Variants in CAPN5 observed in about 807,000 individuals in gnomAD.
The protein encoded by CAPN5 is calpain-5.
In CAPN5, 54 loss-of-function variants were observed where a neutral mutation model predicts 73.0. The ratio of observed to expected loss-of-function variants is 0.74; its 90% CI spans 0.59 to 0.93. CAPN5 has a LOEUF of 0.93. Ranked by LOEUF, CAPN5 falls within the 40% of genes least tolerant of loss-of-function variation. The pLI is 0.00. For missense variants in CAPN5, 785 were observed against 882.9 expected (o/e 0.89, Z 1.41); for synonymous variants, 335 against 356.9 (o/e 0.94, Z 0.69).
intron 5 of CAPN5, 83 bp from the exon 6 acceptor site, chr11:77,115,312 G>A: frequency 8.7e-7 from 1 of 1,155,686 alleles, no homozygotes; most frequent in Non-Finnish European, 1.2e-6. Context: ...GTCCCGTGCA[G>A]CCTCCTAGCC....
At chr11:77,106,579 G>A (rs1458517032) in intron 3 of CAPN5, among the ~76,000 whole-genome samples, 2 of 152,226 alleles carry the variant, frequency 1.3e-5, no homozygotes, top group Non-Finnish European at 2.9e-5. Context: ...TTCCTCATCT[G>A]TGAGTTGGGG....
chr11:77,097,475 T>TA (rs1565266487), intron 3 of CAPN5, among the ~76,000 whole-genome samples: 8 of 142,676 alleles, frequency 5.6e-5, no homozygotes, highest in African/African-American at 2.1e-4. Context: ...TTTTTTTTTT[T>TA]TTTTTTTTTT....
Position 77,114,403 on chromosome 11 carries a change from G to C in CAPN5, c.668G>C (p.Ser223Thr). 6.2e-7 allele frequency: 1 copy of C among 1,614,226 alleles called. No individual in the cohort carries two copies. Among genetic ancestry groups the C allele is most frequent in the Non-Finnish European group, 8.5e-7 (1 of 1,180,042 alleles). ...TTTGAGCGCATGTTAAAGGTGCACA[G>C]CCGGGGCGGCCTCATCAGTGCCTCC... ...QLFERMLKVH[S>T]RGGLISASIK... The change falls in exon 5 of 13, where the codon AGC (serine) becomes ACC (threonine). Residue 223 changes from serine (S) to threonine (T), a missense_variant. By Grantham distance (58) the Ser-to-Thr change is moderately conservative (BLOSUM62 1). Transcript: ENST00000648180.
At chr11:77,095,469 G>A (rs995516550) in intron 3 of CAPN5, among the ~76,000 whole-genome samples, 7 of 152,216 alleles carry the variant, frequency 4.6e-5, no homozygotes, top group African/African-American at 1.7e-4. Context: ...GCTCCCCACA[G>A]GCAGAACTGG....
chr11:77,112,469 A>C (rs1950420859), intron 3 of CAPN5, 120 bp from the exon 4 acceptor site: 5 of 758,434 alleles, frequency 6.6e-6, no homozygotes, highest in Non-Finnish European at 1.1e-5. Context: ...GCAGAGTTGG[A>C]ATCCGAACCC....
intron 3 of CAPN5, among the ~76,000 whole-genome samples, chr11:77,101,487 G>C (rs1394604087): frequency 6.6e-6 from 1 of 152,154 alleles, no homozygotes. Context: ...ATACCCTTGG[G>C]GGAATTTCTG....
intron 1 of CAPN5, among the ~76,000 whole-genome samples, chr11:77,073,461 G>C (rs1370386125): frequency 1.3e-5 from 2 of 152,204 alleles, no homozygotes; most frequent in East Asian, 3.9e-4. Flanking sequence ...CCAATTGCCA[G>C]ATGAAGAACA....
At chr11:77,117,024 G>C (rs1950474906) in intron 7 of CAPN5, among the ~76,000 whole-genome samples, 1 of 152,110 alleles carries the variant, frequency 6.6e-6, no homozygotes, top group Non-Finnish European at 1.5e-5. Context: ...GATTGCTTGA[G>C]TCCAGGAGTT....
chr11:77,093,594 GTCACGTCTGT>G (rs1477338762), intron 2 of CAPN5, 78 bp from the exon 3 acceptor site: 296 of 756,260 alleles, frequency 3.9e-4, no homozygotes, highest in Non-Finnish European at 5.0e-4. Flanking sequence ...GTCTGTGTCT[GTCACGTCTGT>G]GTCTGTCATG....
At chr11:77,112,852 A>G in intron 4 of CAPN5, 55 bp downstream of exon 4, 4 of 1,513,270 alleles carry the variant, frequency 2.6e-6, no homozygotes, top group Non-Finnish European at 3.7e-6. Flanking sequence ...GTGGCACCGG[A>G]TGGGCTCCTC....
intron 1 of CAPN5, among the ~76,000 whole-genome samples, chr11:77,080,007 T>C (rs532566341): frequency 6.6e-6 from 1 of 152,328 alleles, no homozygotes; most frequent in African/African-American, 2.4e-5. Context: ...AGATTTGAAA[T>C]CTATCTGGAA....
intron 2 of CAPN5, chr11:77,087,981 G>A: frequency 2.0e-6 from 3 of 1,535,740 alleles, no homozygotes; most frequent in Non-Finnish European, 2.6e-6. Flanking sequence ...GCCTGGCTGG[G>A]GAGATGCACG....
intron 1 of CAPN5, among the ~76,000 whole-genome samples, chr11:77,077,262 CAGG>C (rs1308148093): frequency 6.6e-6 from 1 of 151,964 alleles, no homozygotes; most frequent in African/African-American, 2.4e-5. Context: ...GATGCTGAGG[CAGG>C]AGAATGGCTT....
chr11:77,096,909 G>A (rs1950214518), intron 3 of CAPN5, among the ~76,000 whole-genome samples: 1 of 152,156 alleles, frequency 6.6e-6, no homozygotes, highest in Non-Finnish European at 1.5e-5. Context: ...GCCTGGGAGG[G>A]GCCAGTGGAG....
chr11:77,095,398 C>T (rs1051670817), intron 3 of CAPN5, among the ~76,000 whole-genome samples: 1 of 151,298 alleles, frequency 6.6e-6, no homozygotes, highest in Non-Finnish European at 1.5e-5. Context: ...GTAGGGCTGC[C>T]CCCCACCTCC....
intron 1 of CAPN5, among the ~76,000 whole-genome samples, chr11:77,075,412 G>T (rs1157817254): frequency 6.6e-6 from 1 of 152,200 alleles, no homozygotes; most frequent in East Asian, 1.9e-4. Context: ...TGTCAAGTCC[G>T]CAAGCGTCCT....
chr11:77,121,955 C>A lies in CAPN5; in HGVS notation c.1509C>A (p.Pro503=). ...TCAGGGAGCTGCGCCTGGATGAGCC[C>A]CCACACACCTGCTGGAGCTCCCTCT... ...SNCRELRLDE[P]PHTCWSSLCG... is the part of the protein sequence containing the mutation. The change falls in exon 11 of 13, where the codon CCC becomes CCA. Residue 503 remains proline (P), a synonymous_variant. Transcript: ENST00000648180. The A allele has an allele frequency of 6.4e-7, 1 of 1,555,526 alleles. No homozygotes were observed. The highest frequency in any genetic ancestry group is 2.4e-5 in the East Asian group (1 of 41,070).
At chr11:77,107,034 T>C (rs1950357448) in intron 3 of CAPN5, among the ~76,000 whole-genome samples, 1 of 152,178 alleles carries the variant, frequency 6.6e-6, no homozygotes, top group Non-Finnish European at 1.5e-5. Context: ...CTGCCCGGTC[T>C]CAGCCACCCC....
At chr11:77,104,263 G>T (rs1382528341) in intron 3 of CAPN5, among the ~76,000 whole-genome samples, 1 of 152,200 alleles carries the variant, frequency 6.6e-6, no homozygotes, top group Non-Finnish European at 1.5e-5. Context: ...GAGGGAAGTT[G>T]GAGCTGGAGA....
Sources: allele counts gnomAD v4.1 joint callset (sites outside exome capture counted in the v4.1 genomes callset), GRCh38; gene constraint gnomAD v4.1.1; transcripts MANE v1.5; gene names NCBI Gene and HGNC (gene_info 2026-07-23, HGNC 2026-07-21).